The following NEMF variants were observed in gnomAD, a reference collection of about 807,000 sequenced individuals.
NEMF encodes the protein nuclear export mediator factor, also known as ribosome quality control complex subunit NEMF.
A neutral mutation model predicts 162.2 loss-of-function variants in NEMF; 89 were observed. That is an observed-to-expected ratio of 0.55 (90% CI 0.46 to 0.65). NEMF has a LOEUF of 0.65. NEMF is among the 30% of genes least tolerant of loss of function. The pLI is 0.00. For missense variants in NEMF, 1,133 were observed against 1,261.9 expected, an observed-to-expected ratio of 0.90 and a Z score of 1.55; for synonymous variants, 421 against 404.5, an observed-to-expected ratio of 1.04 and a Z score of -0.49.
At chr14:49,850,685 G>C (rs1893728369) in intron 3 of NEMF, among the ~76,000 whole-genome samples, 1 of 150,474 alleles carries the variant, frequency 6.6e-6, no homozygotes, top group Non-Finnish European at 1.5e-5. Flanking sequence ...AAAAGACTTA[G>C]TAACATATTA....
At chr14:49,793,275 C>T (rs1455671330) in intron 26 of NEMF, among the ~76,000 whole-genome samples, 1 of 152,122 alleles carries the variant, frequency 6.6e-6, no homozygotes, top group Non-Finnish European at 1.5e-5. Context: ...GATATGACTG[C>T]CTACAGATGA....
chr14:49,802,810 G>T, intron 20 of NEMF, 83 bp from the exon 21 acceptor site: 17 of 925,728 alleles, frequency 1.8e-5, no homozygotes, highest in Non-Finnish European at 2.7e-5. Context: ...ATTAGTGTCA[G>T]ATGACACTAA....
intron 19 of NEMF, among the ~76,000 whole-genome samples, chr14:49,803,803 C>T (rs556277494): frequency 3.0e-3 from 455 of 152,044 alleles, no homozygotes; most frequent in Non-Finnish European, 5.4e-3. Context: ...GGATTACAGG[C>T]GTGAGCCACT....
At chr14:49,829,775 A>AT (rs34838810) in intron 11 of NEMF, among the ~76,000 whole-genome samples, 7 of 151,618 alleles carry the variant, frequency 4.6e-5, no homozygotes, top group Middle Eastern at 3.4e-3. Context: ...CGAATTCTTT[A>AT]TTTTTTTTTA....
At chr14:49,840,569 T>C in intron 5 of NEMF, 149 bp downstream of exon 5, 3 of 665,078 alleles carry the variant, frequency 4.5e-6, no homozygotes, top group South Asian at 2.0e-5. Flanking sequence ...AGTTACGTTA[T>C]CTAAGTAAAA....
intron 26 of NEMF, among the ~76,000 whole-genome samples, chr14:49,793,969 C>T (rs1890571266): frequency 6.6e-6 from 1 of 151,918 alleles, no homozygotes; most frequent in Non-Finnish European, 1.5e-5. Context: ...TTACTTTCTC[C>T]ACCTGCAATT....
Position 49,782,505 on chromosome 14 carries a change from T to G in NEMF, c.*2131A>C, listed in dbSNP as rs1300647920. The G allele has an allele frequency of 6.3e-7, 1 of 1,599,726 alleles. No homozygotes were observed. On this transcript the variant is annotated 3_prime_UTR_variant, in exon 33 of 33. Coordinates refer to ENST00000298310, the MANE Select transcript of NEMF (RefSeq NM_004713.6). Reference sequence around the variant, plus strand: ...ATTACTGAAACTTACTTGCAAAGCATTTGCTTTTAAATGTGTTCTTCCTAT... The same window carrying G: ...ATTACTGAAACTTACTTGCAAAGCAGTTGCTTTTAAATGTGTTCTTCCTAT...
At chr14:49,833,136 C>T (rs1031191290) in intron 8 of NEMF, among the ~76,000 whole-genome samples, 1 of 151,986 alleles carries the variant, frequency 6.6e-6, no homozygotes, top group Non-Finnish European at 1.5e-5. Context: ...CATGGTGGCA[C>T]GTGCCTGTAG....
At position 49,784,490 on chromosome 14, in the gene NEMF, GAAGT is replaced by G. The variant is rs533008873; in HGVS notation, c.*142_*145del. The G allele has an allele frequency of 1.5e-4, 92 of 598,760 alleles. 1 individual carries two copies. In the East Asian group the frequency reaches 2.1e-3, roughly 14 times the overall value. 37.1% of individuals were successfully genotyped at this position (598,760 alleles called of 1,614,324 possible). ...TCTATATAAAACTGGGAAAAAACAA[GAAGT>G]AAGTCCTTTTGGTGAATATAGCAAG... On this transcript the variant is annotated 3_prime_UTR_variant, in exon 33 of 33. Transcript: ENST00000298310.
At chr14:49,819,324 C>CAT (rs1193270696) in intron 16 of NEMF, among the ~76,000 whole-genome samples, 4 of 151,722 alleles carry the variant, frequency 2.6e-5, no homozygotes, top group African/African-American at 9.7e-5. Context: ...TGAGATGATG[C>CAT]ATATGTTAAT....
At position 49,784,650 on chromosome 14, in the gene NEMF, C is replaced by T. The variant is rs1321540195; in HGVS notation, c.3217G>A (p.Val1073Ile). ...VKVSAPNLLN[V>I]KRK The stretch of plus-strand genomic sequence containing the variant: ...TTTCATTTCAGCTATTTCCTTTTTA[C>T]GTTCAGAAGATTGGGTGCAGACACT... The change falls in exon 33 of 33, where the codon GTA becomes ATA. Residue 1073 changes from valine to isoleucine, a missense_variant. This residue lies in a region of NEMF where 532 missense variants were observed against 578.6 expected (regional missense o/e 0.92). Transcript: ENST00000298310. The T allele has an allele frequency of 6.2e-7, 1 of 1,608,248 alleles. No homozygotes were observed. The highest frequency in any genetic ancestry group is 8.5e-7 in the Non-Finnish European group (1 of 1,176,960).
chr14:49,805,496 C>T (rs1178212824), intron 19 of NEMF, among the ~76,000 whole-genome samples: 1 of 53,424 alleles, frequency 1.9e-5, no homozygotes, highest in Non-Finnish European at 3.6e-5. Flanking sequence ...AACCTCATCT[C>T]TATAAAGAAA....
intron 26 of NEMF, among the ~76,000 whole-genome samples, chr14:49,790,747 T>C (rs1890400994): frequency 6.6e-6 from 1 of 152,128 alleles, no homozygotes; most frequent in African/African-American, 2.4e-5. Context: ...CCCAACACTT[T>C]GGGAGGTCTG....
intron 16 of NEMF, among the ~76,000 whole-genome samples, chr14:49,816,073 T>C (rs1891702849): frequency 6.6e-6 from 1 of 152,214 alleles, no homozygotes. Context: ...ACTGGCTTCC[T>C]GAGTATCCGT....
At chr14:49,834,294 C>G (rs1433483668) in intron 7 of NEMF, 69 bp downstream of exon 7, 3 of 1,094,024 alleles carry the variant, frequency 2.7e-6, no homozygotes, top group Non-Finnish European at 4.1e-6. Flanking sequence ...TCCCTTATTA[C>G]TTTCCCAGAA....
intron 10 of NEMF, 74 bp from the exon 11 acceptor site, chr14:49,831,435 A>AT (rs11365862): frequency 5.0e-4 from 387 of 770,062 alleles, no homozygotes; most frequent in Non-Finnish European, 7.0e-4. Context: ...ACAGAATTTT[A>AT]TTTTTTTTTT....
At chr14:49,784,840 A>AT in intron 32 of NEMF, 85 bp downstream of exon 32, 1 of 1,418,584 alleles carries the variant, frequency 7.0e-7, no homozygotes, top group Non-Finnish European at 9.9e-7. Context: ...ATAAGACAGC[A>AT]TTTTCTACTA....
intron 25 of NEMF, among the ~76,000 whole-genome samples, chr14:49,799,183 G>A (rs944621608): frequency 1.0e-5 from 1 of 98,866 alleles, no homozygotes; most frequent in Non-Finnish European, 1.9e-5. Context: ...ACTCTAGCCT[G>A]GGCAACAAAG....
Position 49,784,958 on chromosome 14 carries a change from T to A in NEMF, c.3120A>T (p.Thr1040=). The change falls in exon 32 of 33, where the codon ACA becomes ACT. Residue 1040 remains threonine (T), a synonymous_variant. Transcript: ENST00000298310. ...TGCGGAATAAGTCTTTTTCTCTTGC[T>A]GTTGCTTCTTTGGAATGCATGAAAC... ...LNSFMHSKEA[T]AREKDLFRSV... The A allele has an allele frequency of 6.2e-7, 1 of 1,613,980 alleles. No homozygotes were observed. Among genetic ancestry groups the A allele is most frequent in the Non-Finnish European group, 8.5e-7 (1 of 1,179,938 alleles).
Sources: gnomAD v4.1 joint callset for allele counts (sites outside exome capture counted in the v4.1 genomes callset) on GRCh38, gnomAD v4.1.1 for gene constraint, gnomAD v4.1.1 regional missense constraint, MANE v1.5 for transcripts, NCBI Gene and HGNC (gene_info 2026-07-23, HGNC 2026-07-21) for gene names.